EGFR: variants seen among roughly 807,000 people sequenced by gnomAD.
EGFR encodes avian erythroblastic leukemia viral (v-erb-b) oncogene homolog.
EGFR carries 58 observed loss-of-function variants against 143.0 expected under a neutral mutation model. The ratio of observed to expected loss-of-function variants is 0.41; its 90% CI spans 0.33 to 0.50. The LOEUF (loss-of-function observed/expected upper bound fraction) is 0.50, where lower values mean the gene tolerates loss of function less well. Ranked by LOEUF, EGFR falls within the 20% of genes least tolerant of loss-of-function variation. The pLI is 0.39. For missense variants in EGFR, 1,307 were observed against 1,579.0 expected, an observed-to-expected ratio of 0.83 and a Z score of 2.92; for synonymous variants, 613 against 594.4, an observed-to-expected ratio of 1.03 and a Z score of -0.45.
intron 1 of EGFR, among the ~76,000 whole-genome samples, chr7:55,111,135 C>A (rs1003508677): frequency 1.3e-5 from 2 of 152,214 alleles, no homozygotes; most frequent in Non-Finnish European, 2.9e-5. Flanking sequence ...ACCCTGCCAG[C>A]TGGGTTCGGG....
chr7:55,114,400 C>T (rs1562726187), intron 1 of EGFR, among the ~76,000 whole-genome samples: 2 of 152,266 alleles, frequency 1.3e-5, no homozygotes, highest in East Asian at 3.9e-4. Context: ...GCTGGAGGAT[C>T]ACTTGAGCCC....
At chr7:55,039,463 A>G (rs1297971364) in intron 1 of EGFR, among the ~76,000 whole-genome samples, 1 of 152,174 alleles carries the variant, frequency 6.6e-6, no homozygotes, top group African/African-American at 2.4e-5. Flanking sequence ...CTGCTGCTCA[A>G]GACTGGCAGA....
rs555519889 is a variant in EGFR at position 55,202,878 on chromosome 7, G to T, written c.3271+253G>T. ...TGAATCTGCAAAATTTCTAGCTTAT[G>T]AAGCAAATCACGGACATACACATCT... On this transcript the variant is annotated intron_variant, in intron 27 of 27. Coordinates refer to ENST00000275493, the MANE Select transcript of EGFR (RefSeq NM_005228.5). The T allele has an allele frequency of 5.8e-4, 383 of 658,970 alleles. 1 individual carries two copies. The highest frequency in any genetic ancestry group is 8.6e-4 in the Non-Finnish European group (310 of 361,184). 40.8% of individuals were successfully genotyped at this position (658,970 alleles called of 1,614,324 possible).
At chr7:55,050,054 C>A (rs900807114) in intron 1 of EGFR, among the ~76,000 whole-genome samples, 1 of 152,174 alleles carries the variant, frequency 6.6e-6, no homozygotes, top group Non-Finnish European at 1.5e-5. Context: ...CTTCCTCTCT[C>A]TTTTTGAAAA....
At chr7:55,132,155 A>T (rs1049951234) in intron 1 of EGFR, among the ~76,000 whole-genome samples, 1 of 152,132 alleles carries the variant, frequency 6.6e-6, no homozygotes, top group African/African-American at 2.4e-5. Context: ...TGATTTTTTA[A>T]AAAACATGGG....
chr7:55,025,287 T>C (rs574653036), intron 1 of EGFR, among the ~76,000 whole-genome samples: 23 of 152,238 alleles, frequency 1.5e-4, no homozygotes, highest in African/African-American at 5.3e-4. Context: ...AGACAGAGGA[T>C]GAAGCAGGAG....
intron 10 of EGFR, 74 bp downstream of exon 10, chr7:55,156,906 C>A: frequency 6.2e-7 from 1 of 1,605,768 alleles, no homozygotes; most frequent in South Asian, 1.1e-5. Flanking sequence ...GACATATTTC[C>A]TGTTCCCTTG....
chr7:55,196,178 ATT>A (rs61541412), intron 22 of EGFR, among the ~76,000 whole-genome samples: 1 of 88,098 alleles, frequency 1.1e-5, no homozygotes, highest in Non-Finnish European at 2.0e-5. Context: ...ATGTGTTGGG[ATT>A]TTTTTTTTTT....
At chr7:55,115,422 C>A (rs2041647) in intron 1 of EGFR, among the ~76,000 whole-genome samples, 6,853 of 152,248 alleles carry the variant, frequency 0.045, 453 homozygotes, top group East Asian at 0.3. Flanking sequence ...CAGTCAATGG[C>A]TGCTATTTTC....
At chr7:55,071,337 C>T (rs1458059843) in intron 1 of EGFR, among the ~76,000 whole-genome samples, 1 of 152,210 alleles carries the variant, frequency 6.6e-6, no homozygotes, top group East Asian at 1.9e-4. Context: ...AGAAAAGAAG[C>T]AAGCATTTTG....
chr7:55,047,647 G>A (rs1788255370), intron 1 of EGFR, among the ~76,000 whole-genome samples: 1 of 152,070 alleles, frequency 6.6e-6, no homozygotes, highest in African/African-American at 2.4e-5. Flanking sequence ...GCTAGTTGAG[G>A]GGCTGAGGCA....
chr7:55,081,633 C>T (rs1163319682), intron 1 of EGFR, among the ~76,000 whole-genome samples: 4 of 152,156 alleles, frequency 2.6e-5, no homozygotes, highest in African/African-American at 4.8e-5. Flanking sequence ...CAGGCTATTA[C>T]CAAATCACCC....
chr7:55,029,578 A>G (rs1173841845), intron 1 of EGFR, among the ~76,000 whole-genome samples: 1 of 152,246 alleles, frequency 6.6e-6, no homozygotes, highest in African/African-American at 2.4e-5. Context: ...CTGTAAAAAT[A>G]TACTATATAA....
At chr7:55,202,832 G>A in intron 27 of EGFR, 1 of 694,910 alleles carries the variant, frequency 1.4e-6, no homozygotes, top group South Asian at 1.5e-5. Flanking sequence ...CTGGTTGTTT[G>A]CTGTACCTCT....
At position 55,152,563 on chromosome 7, in the gene EGFR, G is replaced by A. The variant is rs1190573231; in HGVS notation, c.646G>A (p.Ala216Thr). The change falls in exon 6 of 28, where the codon GCC becomes ACC. Residue 216 changes from alanine (A) to threonine (T), a missense_variant. Coordinates refer to ENST00000275493, the MANE Select transcript of EGFR (RefSeq NM_005228.5). ...TTTTTCAGTGACCAAAATCATCTGT[G>A]CCCAGCAGTGCTCCGGGCGCTGCCG... ...NCQKLTKIIC[A>T]QQCSGRCRGK... The A allele has an allele frequency of 6.2e-7, 1 of 1,613,986 alleles. No individual in the cohort carries two copies. Among genetic ancestry groups the A allele is most frequent in the Non-Finnish European group, 8.5e-7 (1 of 1,180,024 alleles).
chr7:55,052,745 T>C (rs1788561716), intron 1 of EGFR, among the ~76,000 whole-genome samples: 1 of 152,070 alleles, frequency 6.6e-6, no homozygotes, highest in African/African-American at 2.4e-5. Context: ...AAGGGCCCCG[T>C]AGGAGAGGGG....
At chr7:55,049,125 C>G (rs1031351242) in intron 1 of EGFR, among the ~76,000 whole-genome samples, 1 of 152,186 alleles carries the variant, frequency 6.6e-6, no homozygotes. Flanking sequence ...TGATGCAATA[C>G]AGTTTTACAG....
chr7:55,173,863 C>T (rs1786468674), intron 17 of EGFR, 58 bp from the exon 18 acceptor site: 1 of 1,613,904 alleles, frequency 6.2e-7, no homozygotes, highest in Admixed American at 1.7e-5. Context: ...TCTGGCACTG[C>T]TTTCCAGCAT....
intron 3 of EGFR, among the ~76,000 whole-genome samples, chr7:55,145,688 T>C (rs1020098965): frequency 6.6e-5 from 10 of 152,210 alleles, no homozygotes; most frequent in Non-Finnish European, 1.2e-4. Flanking sequence ...CAGAGGTCAA[T>C]TTTTTCTCTA....
Sources: allele counts gnomAD v4.1 joint callset (sites outside exome capture counted in the v4.1 genomes callset), GRCh38; gene constraint gnomAD v4.1.1; transcripts MANE v1.5; gene names NCBI Gene and HGNC (gene_info 2026-07-23, HGNC 2026-07-21).